The following HSD17B7 variants were observed in gnomAD, a reference collection of about 807,000 sequenced individuals.
HSD17B7 encodes the protein hydroxysteroid 17-beta dehydrogenase 7.
In HSD17B7, 17 loss-of-function variants were observed where a neutral mutation model predicts 34.1. That is an observed-to-expected ratio of 0.50 (90% CI 0.34 to 0.75). The LOEUF (loss-of-function observed/expected upper bound fraction) is 0.75. HSD17B7 is among the 30% of genes least tolerant of loss of function. The pLI, the probability that HSD17B7 is intolerant of heterozygous loss-of-function variation, is 0.01. For missense variants in HSD17B7, 296 were observed against 406.6 expected (o/e 0.73, Z 2.34); for synonymous variants, 122 against 154.6 (o/e 0.79, Z 1.56).
At chr1:162,803,385 A>G in intron 5 of HSD17B7, 46 bp from the exon 6 acceptor site, 2 of 1,584,804 alleles carry the variant, frequency 1.3e-6, no homozygotes, top group South Asian at 1.1e-5. Flanking sequence ...GACTGAGTCA[A>G]TATACACTGA....
chr1:162,810,596 TAGGTCTCTA>T (rs759373324), intron 8 of HSD17B7, among the ~76,000 whole-genome samples: 2 of 152,186 alleles, frequency 1.3e-5, no homozygotes, highest in Non-Finnish European at 2.9e-5. Context: ...AGCCTCTTTG[TAGGTCTCTA>T]AGGACTTGCT....
intron 4 of HSD17B7, among the ~76,000 whole-genome samples, chr1:162,799,226 T>C (rs1648725956): frequency 1.3e-5 from 2 of 152,204 alleles, no homozygotes; most frequent in Admixed American, 1.3e-4. Context: ...ACTATTTTAT[T>C]TTCCTGCTCA....
chr1:162,806,959 T>A (rs1226985862), intron 8 of HSD17B7, among the ~76,000 whole-genome samples: 1 of 152,186 alleles, frequency 6.6e-6, no homozygotes, highest in Non-Finnish European at 1.5e-5. Context: ...AGATAAATGT[T>A]ATTTTCTTTC....
rs186794697 is a variant in HSD17B7, at chr1:162,805,697, C to T, written c.903+205C>T. ...CCCCGACTTGAGCTGCTCTCAGCCT[C>T]TTGATGATTGATTTGTGCTCATCCT... On this transcript the variant is annotated intron_variant, in intron 8 of 8. Coordinates refer to ENST00000254521, the MANE Select transcript of HSD17B7 (RefSeq NM_016371.4). Among the ~76,000 whole-genome samples, 406 of 152,318 alleles carry T rather than the reference C, an allele frequency of 2.7e-3. 4 individuals are homozygous for T. Among genetic ancestry groups the T allele is most frequent in the South Asian group, 0.022 (104 of 4,824 alleles).
chr1:162,801,865 G>C (rs1648826291), intron 5 of HSD17B7, among the ~76,000 whole-genome samples: 1 of 152,176 alleles, frequency 6.6e-6, no homozygotes, highest in Admixed American at 6.5e-5. Flanking sequence ...TCATAAAAAG[G>C]TCTGGGATTC....
chr1:162,808,397 A>G (rs1330301654), intron 8 of HSD17B7, among the ~76,000 whole-genome samples: 2 of 152,192 alleles, frequency 1.3e-5, no homozygotes, highest in African/African-American at 4.8e-5. Context: ...GAAGTCAGGT[A>G]GCGTGATGCC....
rs1177783774 is a variant in HSD17B7 at position 162,792,824 on chromosome 1, G to A, written c.201G>A (p.Leu67=). ...VTIVQVDVSN[L]QSVFRASKEL... is the part of the protein sequence containing the mutation. ...TTGTCCAGGTGGATGTCAGCAACCT[G>A]CAGTCGGTCTTCCGGGCCTCCAAGG... Residue 67 remains leucine (L), a synonymous_variant, in exon 2 of 9, where the codon CTG becomes CTA. Coordinates refer to ENST00000254521, the MANE Select transcript of HSD17B7 (RefSeq NM_016371.4). 1.2e-6 allele frequency: 2 copies of A among 1,614,196 alleles called. No homozygotes were observed. The highest frequency in any genetic ancestry group is 4.5e-5 in the East Asian group (2 of 44,880).
intron 7 of HSD17B7, 22 bp from the exon 8 acceptor site, chr1:162,805,372 T>C (rs1300745926): frequency 7.4e-6 from 12 of 1,611,060 alleles, no homozygotes; most frequent in African/African-American, 4.0e-5. Context: ...AAACAAATCA[T>C]TGACACATCC....
Position 162,799,913 on chromosome 1 carries a change from T to G in HSD17B7, c.618T>G (p.Ala206=). The change falls in exon 5 of 9, where the codon GCT becomes GCG. Residue 206 remains alanine, a synonymous_variant. Transcript: ENST00000254521. Reference sequence around the variant, plus strand: ...ATGCCACTGACCTTTTGAGTGTGGCTTTGAACAGGAACTTCAACCAGCAGG... The same window carrying G: ...ATGCCACTGACCTTTTGAGTGTGGCGTTGAACAGGAACTTCAACCAGCAGG... The part of the protein sequence containing the change: ...SKYATDLLSV[A]LNRNFNQQGL... 6.2e-7 allele frequency: 1 copy of G among 1,614,072 alleles called. No individual in the cohort carries two copies. The highest frequency in any genetic ancestry group is 8.5e-7 in the Non-Finnish European group (1 of 1,179,966).
chr1:162,809,142 G>C (rs1021610034), intron 8 of HSD17B7, among the ~76,000 whole-genome samples: 24 of 152,056 alleles, frequency 1.6e-4, no homozygotes, highest in African/African-American at 3.6e-4. Flanking sequence ...AGATATGTCC[G>C]ATCAATACCT....
chr1:162,797,316 C>G (rs1412363529), intron 3 of HSD17B7: 2 of 159,616 alleles, frequency 1.3e-5, no homozygotes, highest in Admixed American at 1.2e-4. Flanking sequence ...TCTCTCTCCC[C>G]GCATTGATTT....
intron 8 of HSD17B7, among the ~76,000 whole-genome samples, chr1:162,806,762 G>T (rs1215096536): frequency 2.6e-5 from 4 of 152,168 alleles, no homozygotes. Context: ...TTATCAAGGG[G>T]AAAATGTTTA....
chr1:162,807,559 A>C (rs528049545), intron 8 of HSD17B7, among the ~76,000 whole-genome samples: 1 of 152,304 alleles, frequency 6.6e-6, no homozygotes, highest in Admixed American at 6.5e-5. Flanking sequence ...ACTGTCTTCC[A>C]CAATGGTTGA....
chr1:162,799,820 G>T lies in HSD17B7; in HGVS notation c.525G>T (p.Arg175Ser). 2 of 1,614,002 alleles carry T rather than the reference G, an allele frequency of 1.2e-6. No homozygotes were observed. The highest frequency in any genetic ancestry group is 1.7e-6 in the Non-Finnish European group (2 of 1,179,986). Residue 175 changes from arginine to serine, a missense_variant, in exon 5 of 9, where the codon AGG (arginine) becomes AGT (serine). Physicochemically the swap from Arg to Ser is moderately radical, Grantham distance 110 (BLOSUM62 -1). Transcript: ENST00000254521. ...QLIWTSSRSA[R>S]KSNFSLEDFQ... Reference sequence around the variant, plus strand: ...TCTGGACATCATCTCGCAGTGCAAGGAAATCTAATTTCAGCCTCGAGGACT... The same window carrying T: ...TCTGGACATCATCTCGCAGTGCAAGTAAATCTAATTTCAGCCTCGAGGACT...
At chr1:162,799,666 T>C (rs1333889227) in intron 4 of HSD17B7, 77 bp from the exon 5 acceptor site, 1 of 924,230 alleles carries the variant, frequency 1.1e-6, no homozygotes, top group Non-Finnish European at 1.7e-6. Context: ...TCTCTTACCA[T>C]ACAGTACAGT....
chr1:162,808,777 A>G (rs1275156818), intron 8 of HSD17B7, among the ~76,000 whole-genome samples: 13 of 152,148 alleles, frequency 8.5e-5, no homozygotes, highest in Admixed American at 5.2e-4. Context: ...TTTGTCTGTT[A>G]TTGGTGTATA....
At chr1:162,791,926 C>T (rs1357739187) in intron 1 of HSD17B7, among the ~76,000 whole-genome samples, 2 of 152,082 alleles carry the variant, frequency 1.3e-5, no homozygotes, top group African/African-American at 4.8e-5. Flanking sequence ...ACTTATTACC[C>T]AGCTTTTCAT....
At chr1:162,808,159 G>A (rs992930916) in intron 8 of HSD17B7, among the ~76,000 whole-genome samples, 1 of 152,178 alleles carries the variant, frequency 6.6e-6, no homozygotes, top group Non-Finnish European at 1.5e-5. Flanking sequence ...GTGTAAGGAA[G>A]GGATCGAGTT....
intron 3 of HSD17B7, chr1:162,797,294 ACT>A (rs1198888501): frequency 2.5e-5 from 4 of 159,736 alleles, no homozygotes; most frequent in Non-Finnish European, 4.1e-5. Context: ...ACACTCTCAC[ACT>A]CTCTCTGTCT....
Sources: allele counts gnomAD v4.1 joint callset (sites outside exome capture counted in the v4.1 genomes callset), GRCh38; gene constraint gnomAD v4.1.1; transcripts MANE v1.5; gene names NCBI Gene and HGNC (gene_info 2026-07-23, HGNC 2026-07-21).